The following BCAS3 variants were observed in gnomAD, a reference collection of about 807,000 sequenced individuals.
The protein encoded by BCAS3 is BCAS3 microtubule associated cell migration factor.
Under a neutral mutation model 116.1 loss-of-function variants are expected in BCAS3, and 53 were observed. The ratio of observed to expected loss-of-function variants is 0.46; its 90% CI spans 0.37 to 0.57. The LOEUF is 0.57. Ranked by LOEUF, BCAS3 falls within the 20% of genes least tolerant of loss-of-function variation. The pLI, the probability that BCAS3 is intolerant of heterozygous loss-of-function variation, is 0.00. For missense variants in BCAS3, 917 were observed against 1,165.4 expected, an observed-to-expected ratio of 0.79 and a Z score of 3.10; for synonymous variants, 391 against 408.2, an observed-to-expected ratio of 0.96 and a Z score of 0.51.
rs1160978229 is a variant in BCAS3 at position 61,141,151 on chromosome 17, C to T, written c.2425+56587C>T. Among the ~76,000 whole-genome samples the T allele has an allele frequency of 6.6e-6, 1 of 152,060 alleles. No homozygotes were observed. The highest frequency in any genetic ancestry group is 1.5e-5 in the Non-Finnish European group (1 of 68,032). ...TTACACCTACTGGTTCATAAATGGT[C>T]ATAAATGTTCAACATTTACGAATTT... is the stretch of plus-strand genomic sequence containing the variant. On this transcript the variant is annotated intron_variant, in intron 22 of 23. Coordinates refer to ENST00000407086, the MANE Select transcript of BCAS3 (RefSeq NM_017679.5). The surrounding 1 kb of genome is among the most constrained non-coding windows in gnomAD (Gnocchi z 4.3).
Position 61,161,937 on chromosome 17 carries a change from G to C in BCAS3, c.2425+77373G>C, listed in dbSNP as rs1235109600. Among the ~76,000 whole-genome samples the C allele has an allele frequency of 1.3e-5, 2 of 152,142 alleles. No individual in the cohort carries two copies. Among genetic ancestry groups the C allele is most frequent in the Non-Finnish European group, 2.9e-5 (2 of 68,024 alleles). On this transcript the variant is annotated intron_variant, in intron 22 of 23. Transcript: ENST00000407086. This position sits in a 1 kb window ranked among gnomAD's most constrained non-coding sequence, Gnocchi z 4.8. ...AGAATTCAATTATATTACTCTCTCT[G>C]AGGCAAAAAGCACACATTTAATAAC...
At chr17:60,709,153 C>T in intron 4 of BCAS3, 66 bp from the exon 5 acceptor site, 7 of 765,728 alleles carry the variant, frequency 9.1e-6, no homozygotes, top group Non-Finnish European at 1.6e-5. Context: ...TAAAGAAATA[C>T]AGTTGTTTTC....
intron 9 of BCAS3, among the ~76,000 whole-genome samples, chr17:60,876,477 T>C (rs999352902): frequency 6.6e-6 from 1 of 152,068 alleles, no homozygotes; most frequent in Non-Finnish European, 1.5e-5. Context: ...CAGAAACTTC[T>C]CCTTCTAAAT....
At chr17:61,149,211 A>G (rs1404070681) in intron 22 of BCAS3, among the ~76,000 whole-genome samples, 1 of 152,032 alleles carries the variant, frequency 6.6e-6, no homozygotes, top group Non-Finnish European at 1.5e-5. Context: ...TTCTAAATGA[A>G]CTTAGACGCC....
At chr17:61,070,397 A>ATATATATATATATATATATC (rs1218400832) in intron 19 of BCAS3, 1 of 175,232 alleles carries the variant, frequency 5.7e-6, no homozygotes, top group Non-Finnish European at 1.1e-5. Flanking sequence ...ATATATATAT[A>ATATATATATATATATATATC]TATCTTTTCA....
intron 6 of BCAS3, among the ~76,000 whole-genome samples, chr17:60,773,459 ATTTTTGTAT>A (rs2044951069): frequency 6.6e-6 from 1 of 151,468 alleles, no homozygotes; most frequent in Admixed American, 6.6e-5. Context: ...CATCTGGCTG[ATTTTTGTAT>A]TTTTTGTAGA....
At chr17:61,206,421 A>G (rs989587534) in intron 22 of BCAS3, among the ~76,000 whole-genome samples, 6 of 152,170 alleles carry the variant, frequency 3.9e-5, no homozygotes, top group African/African-American at 1.4e-4. Context: ...GTTTGTACAT[A>G]TTAATATATC....
chr17:61,305,174 G>A (rs983134631), intron 22 of BCAS3, among the ~76,000 whole-genome samples: 3 of 149,520 alleles, frequency 2.0e-5, no homozygotes, highest in Admixed American at 6.6e-5. Context: ...TAGAATACTG[G>A]CCTTAGTCAA....
intron 22 of BCAS3, among the ~76,000 whole-genome samples, chr17:61,298,422 T>C (rs2053133539): frequency 6.6e-6 from 1 of 152,100 alleles, no homozygotes; most frequent in African/African-American, 2.4e-5. Flanking sequence ...GCATTTCTCA[T>C]TGATCTTAAA....
At chr17:60,906,924 A>G (rs532968438) in intron 11 of BCAS3, among the ~76,000 whole-genome samples, 2 of 152,240 alleles carry the variant, frequency 1.3e-5, no homozygotes, top group South Asian at 4.2e-4. Context: ...TGAAAGTGTA[A>G]TCATTACTCT....
chr17:61,080,579 C>A (rs2072494210), intron 21 of BCAS3, among the ~76,000 whole-genome samples: 1 of 151,898 alleles, frequency 6.6e-6, no homozygotes, highest in African/African-American at 2.4e-5. Context: ...CCCATCAAAA[C>A]CCTACCAAAA....
In BCAS3 at chr17:61,233,368, G is replaced by C. The variant is rs2082807369; in HGVS notation, c.2426-134959G>C. Among the ~76,000 whole-genome samples the C allele has an allele frequency of 6.6e-6, 1 of 152,204 alleles. No homozygotes were observed. Among genetic ancestry groups the C allele is most frequent in the South Asian group, 2.1e-4 (1 of 4,836 alleles). On this transcript the variant is annotated intron_variant, in intron 22 of 23. Coordinates refer to ENST00000407086, the MANE Select transcript of BCAS3 (RefSeq NM_017679.5). The surrounding 1 kb of genome is among the most constrained non-coding windows in gnomAD (Gnocchi z 4.3). ...CACTCTGTGGCTAATGGCTTTTGCA[G>C]AAGTGATTCTACAACTAAAGATGCC...
At chr17:60,856,485 TC>T (rs2053684306) in intron 7 of BCAS3, among the ~76,000 whole-genome samples, 1 of 152,120 alleles carries the variant, frequency 6.6e-6, no homozygotes, top group Non-Finnish European at 1.5e-5. Context: ...GGCCAGTAGT[TC>T]GAGACTAGCC....
In BCAS3 at chr17:61,097,613, T is replaced by G. The variant is rs1341565156; in HGVS notation, c.2425+13049T>G. On this transcript the variant is annotated intron_variant, in intron 22 of 23. Transcript: ENST00000407086. This position sits in a 1 kb window ranked among gnomAD's most constrained non-coding sequence, Gnocchi z 4.0. ...TAATCAAGAGGCTCTATGAGGAATC[T>G]TCAGGATATTTTTCAATAGACAGAA... 1.3e-5 allele frequency among the ~76,000 whole-genome samples: 2 copies of G among 152,184 alleles called. No individual in the cohort carries two copies. Among genetic ancestry groups the G allele is most frequent in the African/African-American group, 2.4e-5 (1 of 41,438 alleles).
chr17:60,841,546 A>AT (rs754447784), intron 7 of BCAS3, among the ~76,000 whole-genome samples: 8,601 of 123,426 alleles, frequency 0.07, 384 homozygotes, highest in Non-Finnish European at 0.11. Flanking sequence ...CACCTGGCTA[A>AT]TTTTTTTTTT....
intron 2 of BCAS3, among the ~76,000 whole-genome samples, chr17:60,679,955 G>A (rs1336992207): frequency 1.3e-5 from 2 of 151,842 alleles, no homozygotes; most frequent in Admixed American, 6.6e-5. Flanking sequence ...TGGCTAAAAC[G>A]GTGAAACCCT....
intron 6 of BCAS3, among the ~76,000 whole-genome samples, chr17:60,759,232 C>A (rs555820239): frequency 3.3e-5 from 5 of 152,126 alleles, no homozygotes; most frequent in African/African-American, 9.7e-5. Context: ...TATTTAATGG[C>A]CTTATATAGT....
In BCAS3 at chr17:60,995,066, C is replaced by T. The variant is rs1216085204; in HGVS notation, c.1486+4831C>T. On this transcript the variant is annotated intron_variant, in intron 15 of 23. Coordinates refer to ENST00000407086, the MANE Select transcript of BCAS3 (RefSeq NM_017679.5). The surrounding 1 kb of genome is among the most constrained non-coding windows in gnomAD (Gnocchi z 4.7). ...CATCTCGGCTCACTGCAAGCTCCGCCTCCTGGGTTCAAGCGATTCTCCTGC... is the reference window on the plus strand; with the variant it reads ...CATCTCGGCTCACTGCAAGCTCCGCTTCCTGGGTTCAAGCGATTCTCCTGC... 6.6e-6 allele frequency among the ~76,000 whole-genome samples: 1 copy of T among 152,212 alleles called. No homozygotes were observed. The highest frequency in any genetic ancestry group is 2.4e-5 in the African/African-American group (1 of 41,448).
At chr17:61,290,121 A>G (rs1406631428) in intron 22 of BCAS3, among the ~76,000 whole-genome samples, 2 of 152,192 alleles carry the variant, frequency 1.3e-5, no homozygotes, top group African/African-American at 4.8e-5. Context: ...CTTAAAAGAA[A>G]AAATGCAAAC....
Sources: allele counts gnomAD v4.1 joint callset (sites outside exome capture counted in the v4.1 genomes callset), GRCh38; gene constraint gnomAD v4.1.1; non-coding constraint Gnocchi (gnomAD v3.1); transcripts MANE v1.5; gene names NCBI Gene and HGNC (gene_info 2026-07-23, HGNC 2026-07-21).